RUBCN: variants seen among roughly 807,000 people sequenced by gnomAD.
The protein encoded by RUBCN is rubicon autophagy regulator.
A neutral mutation model predicts 113.2 loss-of-function variants in RUBCN; 74 were observed. The observed-to-expected ratio is 0.65, with a 90% confidence interval of 0.54 to 0.79. The LOEUF (loss-of-function observed/expected upper bound fraction) is 0.79. RUBCN is among the 30% of genes least tolerant of loss of function. The pLI, the probability that RUBCN is intolerant of heterozygous loss-of-function variation, is 0.00. For synonymous variants in RUBCN, 480 were observed against 490.0 expected (o/e 0.98, Z 0.27); for missense variants, 1,109 against 1,251.7 (o/e 0.89, Z 1.72).
chr3:197,696,126 C>T, intron 8 of RUBCN, 145 bp from the exon 9 acceptor site: 1 of 815,322 alleles, frequency 1.2e-6, no homozygotes, highest in Non-Finnish European at 2.0e-6. Context: ...GAATTTCTTG[C>T]ACTTTGGGAG....
intron 1 of RUBCN, among the ~76,000 whole-genome samples, chr3:197,725,444 A>C (rs1318382675): frequency 6.6e-6 from 1 of 151,142 alleles, no homozygotes; most frequent in African/African-American, 2.4e-5. Context: ...TCTCTTATAT[A>C]GTCTCTCAGC....
In RUBCN at chr3:197,736,583, C is replaced by G. The variant is rs1341727606; in HGVS notation, c.65+72G>C. ...GCGCCCGGCCCTTCTCTCCGTGACC[C>G]CGCGCCCTCCCAAGCCTCCCGGGGC... On this transcript the variant is annotated intron_variant, in intron 1 of 19. Transcript: ENST00000296343. The G allele has an allele frequency of 6.1e-6, 9 of 1,468,356 alleles. No homozygotes were observed. In the African/African-American group the frequency reaches 9.8e-5, roughly 16 times the overall value. 91.0% of individuals were successfully genotyped at this position (1,468,356 alleles called of 1,614,324 possible). A position where few individuals can be genotyped will look rare whatever the true frequency, so the allele number is the denominator to read the frequency against.
intron 7 of RUBCN, chr3:197,699,328 G>A: frequency 1.1e-6 from 1 of 871,876 alleles, no homozygotes; most frequent in Non-Finnish European, 1.8e-6. Context: ...CAGCAGAAGT[G>A]GGGATGGAAC....
intron 2 of RUBCN, among the ~76,000 whole-genome samples, chr3:197,715,453 C>G (rs572708261): frequency 1.3e-5 from 2 of 152,068 alleles, no homozygotes; most frequent in Non-Finnish European, 2.9e-5. Context: ...ATAAATAGTT[C>G]TCGGATTGTC....
chr3:197,698,820 CTG>C (rs1166044102), intron 7 of RUBCN, among the ~76,000 whole-genome samples: 1 of 124,072 alleles, frequency 8.1e-6, no homozygotes, highest in Non-Finnish European at 1.6e-5. Context: ...CGGTGAAACC[CTG>C]TCTCTACAAA....
chr3:197,725,290 A>C (rs537034142), intron 1 of RUBCN, among the ~76,000 whole-genome samples: 1 of 151,970 alleles, frequency 6.6e-6, no homozygotes, highest in Admixed American at 6.6e-5. Flanking sequence ...ATGTGTGTTT[A>C]ATGTTTCTTC....
intron 16 of RUBCN, among the ~76,000 whole-genome samples, chr3:197,679,572 A>G (rs1222069750): frequency 2.2e-5 from 3 of 138,712 alleles, no homozygotes; most frequent in East Asian, 2.3e-4. Context: ...AGACTGTCCT[A>G]TGCTCTGACC....
rs777150297 is a variant in RUBCN, at chr3:197,718,038, C to A, written c.158G>T (p.Gly53Val). The A allele has an allele frequency of 1.2e-6, 2 of 1,614,064 alleles. No individual in the cohort carries two copies. Among genetic ancestry groups the A allele is most frequent in the African/African-American group, 2.7e-5 (2 of 74,932 alleles). ...NSPNVWSKYG[G>V]LERLCRDMQS... ...CATGTCCCTGCAAAGCCGCTCCAAG[C>A]CACCATACTTAGACCAGACGTTGGG... The change falls in exon 2 of 20, where the codon GGC (glycine) becomes GTC (valine). Residue 53 changes from glycine to valine, a missense_variant. By Grantham distance (109) the Gly-to-Val change is moderately radical. Around this residue, in one of 3 missense-constraint regions of RUBCN, gnomAD observed 736 missense variants for 779.6 expected, o/e 0.94. Coordinates refer to ENST00000296343, the MANE Select transcript of RUBCN (RefSeq NM_014687.4).
chr3:197,692,080 C>T (rs574796964), intron 11 of RUBCN, among the ~76,000 whole-genome samples: 99 of 152,122 alleles, frequency 6.5e-4, no homozygotes, highest in African/African-American at 2.3e-3. Flanking sequence ...GAACCAACCA[C>T]GTCATTAGAG....
intron 1 of RUBCN, among the ~76,000 whole-genome samples, chr3:197,720,116 C>T (rs113949710): frequency 0.014 from 2,099 of 151,862 alleles, 32 homozygotes; most frequent in South Asian, 0.043. Context: ...CCAGAACGTA[C>T]TCCTCCTGCC....
At chr3:197,729,743 G>C (rs916909606) in intron 1 of RUBCN, among the ~76,000 whole-genome samples, 14 of 151,806 alleles carry the variant, frequency 9.2e-5, no homozygotes, top group African/African-American at 7.3e-5. Context: ...ATTTTTAGTA[G>C]AGACAGCATT....
In RUBCN at chr3:197,674,631, G is replaced by A. The variant is rs114272728; in HGVS notation, c.*387C>T. 9 of 438,824 alleles carry A rather than the reference G, an allele frequency of 2.1e-5. No individual in the cohort carries two copies. Among genetic ancestry groups the A allele is most frequent in the African/African-American group, 1.3e-4 (6 of 47,008 alleles). 27.2% of individuals were successfully genotyped at this position (438,824 alleles called of 1,614,324 possible). Reference sequence around the variant, plus strand: ...AGAAAGGCCTGGCTCAGAAGCTCCAGAACTGAAACAAAGGAAAATTGGAAA... The same window carrying A: ...AGAAAGGCCTGGCTCAGAAGCTCCAAAACTGAAACAAAGGAAAATTGGAAA... On this transcript the variant is annotated 3_prime_UTR_variant, in exon 20 of 20. Coordinates refer to ENST00000296343, the MANE Select transcript of RUBCN (RefSeq NM_014687.4).
chr3:197,708,889 G>C (rs1724632543), intron 2 of RUBCN, among the ~76,000 whole-genome samples: 1 of 152,058 alleles, frequency 6.6e-6, no homozygotes, highest in East Asian at 1.9e-4. Context: ...TACTGAATTA[G>C]GTGGAGGCAA....
At chr3:197,736,474 C>T (rs1233891855) in intron 1 of RUBCN, among the ~76,000 whole-genome samples, 181 bp downstream of exon 1, 1 of 117,540 alleles carries the variant, frequency 8.5e-6, no homozygotes, top group Non-Finnish European at 1.7e-5. Context: ...CCGGTTCCTT[C>T]GTCCCATCCC....
chr3:197,735,694 T>C (rs1442971755), intron 1 of RUBCN, among the ~76,000 whole-genome samples: 1 of 152,106 alleles, frequency 6.6e-6, no homozygotes, highest in Non-Finnish European at 1.5e-5. Context: ...TGGACTCAAG[T>C]GATCCTCTCG....
intron 1 of RUBCN, among the ~76,000 whole-genome samples, chr3:197,734,704 T>C (rs1026432950): frequency 6.6e-6 from 1 of 151,988 alleles, no homozygotes; most frequent in East Asian, 1.9e-4. Flanking sequence ...CATGAAGTGG[T>C]AGAGGGAAAT....
chr3:197,677,398 C>A (rs950522058), intron 17 of RUBCN, 82 bp downstream of exon 17: 1 of 1,198,032 alleles, frequency 8.3e-7, no homozygotes, highest in African/African-American at 1.5e-5. Flanking sequence ...TCCTTCGTTA[C>A]ATAACAAGAG....
At position 197,681,869 on chromosome 3, in the gene RUBCN, G is replaced by A. The variant is rs1225724793; in HGVS notation, c.2157C>T (p.Tyr719=). The part of the protein sequence containing the change: ...TRKIAVAKQN[Y]RCAGCGIRTD... The stretch of plus-strand genomic sequence containing the variant: ...TCCGGATGCCACATCCTGCACAGCG[G>A]TAATTCTGCTTGGCCACGGCAATTT... The change falls in exon 15 of 20, where the codon TAC becomes TAT. Residue 719 remains tyrosine, a synonymous_variant. Transcript: ENST00000296343. This position sits in a 1 kb window ranked among gnomAD's most constrained non-coding sequence, Gnocchi z 5.5. 2 of 1,613,978 alleles carry A rather than the reference G, an allele frequency of 1.2e-6. No homozygotes were observed. The highest frequency in any genetic ancestry group is 1.1e-5 in the South Asian group (1 of 91,068).
At chr3:197,705,299 C>A in intron 2 of RUBCN, 124 bp from the exon 3 acceptor site, 1 of 864,248 alleles carries the variant, frequency 1.2e-6, no homozygotes, top group Non-Finnish European at 1.9e-6. Context: ...AGGTTCTTAG[C>A]AGCAATCAAA....
Sources: gnomAD v4.1 joint callset for allele counts (sites outside exome capture counted in the v4.1 genomes callset) on GRCh38, gnomAD v4.1.1 for gene constraint, gnomAD v4.1.1 regional missense constraint, Gnocchi (gnomAD v3.1) non-coding constraint, MANE v1.5 for transcripts, NCBI Gene and HGNC (gene_info 2026-07-23, HGNC 2026-07-21) for gene names.